Variants in OLFM3 observed in about 807,000 individuals in gnomAD.
OLFM3 encodes the protein olfactomedin 3.
A neutral mutation model predicts 48.6 loss-of-function variants in OLFM3; 20 were observed. The ratio of observed to expected loss-of-function variants is 0.41; its 90% CI spans 0.29 to 0.60. The LOEUF (loss-of-function observed/expected upper bound fraction) is 0.60, where lower values mean the gene tolerates loss of function less well. Ranked by LOEUF, OLFM3 falls within the 20% of genes least tolerant of loss-of-function variation. OLFM3 has a pLI of 0.28. For missense variants in OLFM3, 437 were observed against 544.3 expected (o/e 0.80, Z 1.96); for synonymous variants, 222 against 198.1 (o/e 1.12, Z -1.01).
chr1:101,906,427 C>T (rs1196057636), intron 1 of OLFM3, among the ~76,000 whole-genome samples: 1 of 151,956 alleles, frequency 6.6e-6, no homozygotes, highest in Non-Finnish European at 1.5e-5. Flanking sequence ...AAGAGATTAT[C>T]TTAGAAATAA....
At chr1:101,996,062 G>A (rs1456912036) in intron 1 of OLFM3, among the ~76,000 whole-genome samples, 1 of 152,148 alleles carries the variant, frequency 6.6e-6, no homozygotes, top group Non-Finnish European at 1.5e-5. Context: ...ACGTCTATGA[G>A]TTAACTCATC....
intron 1 of OLFM3, among the ~76,000 whole-genome samples, chr1:101,853,122 G>A (rs563603499): frequency 6.6e-6 from 1 of 152,086 alleles, no homozygotes; most frequent in South Asian, 2.1e-4. Context: ...AAAATATTTA[G>A]CTTGCACTAT....
chr1:101,918,747 G>C (rs75319193), intron 1 of OLFM3, among the ~76,000 whole-genome samples: 13,724 of 151,912 alleles, frequency 0.09, 820 homozygotes, highest in East Asian at 0.22. Flanking sequence ...TATTAGAGGT[G>C]GCATTCTTCT....
At chr1:101,970,576 G>C (rs1660753891) in intron 1 of OLFM3, among the ~76,000 whole-genome samples, 1 of 152,080 alleles carries the variant, frequency 6.6e-6, no homozygotes, top group Non-Finnish European at 1.5e-5. Flanking sequence ...CTTCCTGTCA[G>C]GCATTCTGCC....
At chr1:101,929,499 T>C (rs1487104918) in intron 1 of OLFM3, among the ~76,000 whole-genome samples, 1 of 152,088 alleles carries the variant, frequency 6.6e-6, no homozygotes, top group Non-Finnish European at 1.5e-5. Flanking sequence ...TCCTCATCTA[T>C]CTCTATCTCT....
intron 2 of OLFM3, among the ~76,000 whole-genome samples, chr1:101,835,466 C>A (rs1017737908): frequency 1.3e-5 from 2 of 152,150 alleles, no homozygotes; most frequent in African/African-American, 4.8e-5. Flanking sequence ...AGGTGCACAC[C>A]ACAATGCCCA....
chr1:101,990,915 G>A (rs1254725194), intron 1 of OLFM3, among the ~76,000 whole-genome samples: 2 of 144,602 alleles, frequency 1.4e-5, no homozygotes, highest in East Asian at 4.3e-4. Flanking sequence ...AACCCAGGAG[G>A]CAGAGCTTGC....
chr1:101,996,666 T>C, intron 1 of OLFM3, 82 bp downstream of exon 1: 1 of 1,436,056 alleles, frequency 7.0e-7, no homozygotes, highest in Non-Finnish European at 9.8e-7. Flanking sequence ...CGTCCCGTTT[T>C]TGACATATTT....
At chr1:101,980,767 T>C (rs897334875) in intron 1 of OLFM3, among the ~76,000 whole-genome samples, 1 of 152,184 alleles carries the variant, frequency 6.6e-6, no homozygotes, top group Non-Finnish European at 1.5e-5. Context: ...TTGTGTCGAA[T>C]GCCCTCCAAC....
Position 101,811,788 on chromosome 1 carries a change from G to A in OLFM3, c.593-5606C>T, listed in dbSNP as rs12075849. 5.7e-3 allele frequency among the ~76,000 whole-genome samples: 865 copies of A among 152,150 alleles called. 10 individuals are homozygous for A. The highest frequency in any genetic ancestry group is 0.019 in the African/African-American group (808 of 41,522). On this transcript the variant is annotated intron_variant, in intron 4 of 5. Transcript: ENST00000370103. The stretch of plus-strand genomic sequence containing the variant: ...TGGAAGACAGTGTGGCGATTCCTCA[G>A]GGATCTAGAACTAGAAATACCATTT...
At chr1:101,985,558 A>T (rs1381961262) in intron 1 of OLFM3, among the ~76,000 whole-genome samples, 1 of 152,242 alleles carries the variant, frequency 6.6e-6, no homozygotes, top group South Asian at 2.1e-4. Context: ...CAGAAGCTAG[A>T]TAACCATCCA....
At chr1:101,972,338 T>G (rs192327557) in intron 1 of OLFM3, among the ~76,000 whole-genome samples, 2 of 152,320 alleles carry the variant, frequency 1.3e-5, no homozygotes, top group East Asian at 3.9e-4. Flanking sequence ...AGTTCTGCTA[T>G]TTTTCATACA....
chr1:101,927,781 T>G (rs971991602), intron 1 of OLFM3, among the ~76,000 whole-genome samples: 1 of 149,402 alleles, frequency 6.7e-6, no homozygotes, highest in African/African-American at 2.4e-5. Flanking sequence ...AAAAATATTA[T>G]AAATATTTTT....
intron 1 of OLFM3, among the ~76,000 whole-genome samples, chr1:101,966,318 TG>T (rs1446492268): frequency 1.3e-4 from 3 of 22,740 alleles, no homozygotes; most frequent in African/African-American, 3.3e-4. Context: ...CTGGCTAATT[TG>T]TGTGTGTGTG....
intron 2 of OLFM3, among the ~76,000 whole-genome samples, chr1:101,831,515 T>C (rs553838735): frequency 1.5e-3 from 221 of 152,250 alleles, no homozygotes; most frequent in African/African-American, 5.2e-3. Context: ...AGGTAACCTA[T>C]AACGCATGCA....
intron 4 of OLFM3, among the ~76,000 whole-genome samples, chr1:101,811,460 A>T (rs2100869694): frequency 6.6e-6 from 1 of 152,298 alleles, no homozygotes; most frequent in South Asian, 2.1e-4. Context: ...GCTAATATCC[A>T]GAGCCTAAAG....
At chr1:101,812,207 G>A (rs1002898763) in intron 4 of OLFM3, among the ~76,000 whole-genome samples, 3 of 151,852 alleles carry the variant, frequency 2.0e-5, no homozygotes, top group Non-Finnish European at 2.9e-5. Flanking sequence ...AGTGGGGAGG[G>A]ATATTATTAG....
At chr1:101,822,847 A>G (rs1654674461) in intron 4 of OLFM3, among the ~76,000 whole-genome samples, 1 of 150,088 alleles carries the variant, frequency 6.7e-6, no homozygotes, top group Non-Finnish European at 1.5e-5. Flanking sequence ...ATTAACCATA[A>G]ACTCCACAAC....
chr1:101,852,557 C>A (rs12076752), intron 1 of OLFM3, among the ~76,000 whole-genome samples: 3,437 of 152,088 alleles, frequency 0.023, 143 homozygotes, highest in African/African-American at 0.079. Flanking sequence ...TTTTTCCCAG[C>A]AGACCTCTCC....
Sources: allele counts gnomAD v4.1 joint callset (sites outside exome capture counted in the v4.1 genomes callset), GRCh38; gene constraint gnomAD v4.1.1; transcripts MANE v1.5; gene names NCBI Gene and HGNC (gene_info 2026-07-23, HGNC 2026-07-21).